RAD51B: variants seen among roughly 807,000 people sequenced by gnomAD.
The protein encoded by RAD51B is RAD51 paralog B.
In RAD51B, 38 loss-of-function variants were observed where a neutral mutation model predicts 42.2. The observed-to-expected ratio is 0.90, with a 90% confidence interval of 0.70 to 1.18. The LOEUF is 1.18. Among genes scored for constraint, RAD51B ranks in the 50% most tolerant of loss-of-function variants. The probability of loss-of-function intolerance (pLI) is 0.00; values close to 1 mark genes in which losing one functional copy is unlikely to be tolerated. For synonymous variants in RAD51B, 154 were observed against 145.2 expected (o/e 1.06, Z -0.43); for missense variants, 373 against 400.7 (o/e 0.93, Z 0.59).
intron 7 of RAD51B, among the ~76,000 whole-genome samples, chr14:68,248,213 C>G (rs1426037245): frequency 6.6e-6 from 1 of 152,202 alleles, no homozygotes; most frequent in African/African-American, 2.4e-5. Flanking sequence ...CTCTCTTCTT[C>G]AGGACAGAAA....
At chr14:68,673,675 AC>A (rs1263572364) in intron 11 of RAD51B, among the ~76,000 whole-genome samples, 1 of 150,150 alleles carries the variant, frequency 6.7e-6, no homozygotes, top group Non-Finnish European at 1.5e-5. Context: ...CTGTGCACAC[AC>A]ATATGTATAT....
intron 11 of RAD51B, among the ~76,000 whole-genome samples, chr14:68,674,399 G>A (rs1291908516): frequency 2.6e-5 from 4 of 151,918 alleles, no homozygotes; most frequent in Non-Finnish European, 5.9e-5. Context: ...GTAGTCACCT[G>A]TATTCTAATG....
At chr14:68,207,885 A>C (rs1290971768) in intron 7 of RAD51B, among the ~76,000 whole-genome samples, 1 of 152,164 alleles carries the variant, frequency 6.6e-6, no homozygotes, top group Non-Finnish European at 1.5e-5. Context: ...ATAACAAGTC[A>C]GCTCACGTTA....
chr14:68,209,653 T>C (rs2140941886), intron 7 of RAD51B, among the ~76,000 whole-genome samples: 1 of 152,330 alleles, frequency 6.6e-6, no homozygotes, highest in South Asian at 2.1e-4. Context: ...GGAAGATGAT[T>C]GTAAGATATT....
Position 67,823,562 on chromosome 14 carries a change from A to C in RAD51B, c.19A>C (p.Lys7Gln). 4 of 1,613,848 alleles carry C rather than the reference A, an allele frequency of 2.5e-6. No individual in the cohort carries two copies. Among genetic ancestry groups the C allele is most frequent in the Non-Finnish European group, 3.4e-6 (4 of 1,179,870 alleles). Residue 7 changes from lysine (K) to glutamine (Q), a missense_variant, in exon 2 of 11, where the codon AAA becomes CAA. Coordinates refer to ENST00000471583, the MANE Select transcript of RAD51B (RefSeq NM_133510.4). MGSKKLKRVGLSQELCD... is the reference protein window; with the variant it reads MGSKKLQRVGLSQELCD... Reference sequence around the variant, plus strand: ...TGGAGGCATGGGTAGCAAGAAACTAAAACGAGTGGGTTTATCACAAGAGCT... The same window carrying C: ...TGGAGGCATGGGTAGCAAGAAACTACAACGAGTGGGTTTATCACAAGAGCT...
intron 11 of RAD51B, among the ~76,000 whole-genome samples, chr14:68,672,382 T>G (rs1433413484): frequency 2.0e-5 from 3 of 152,234 alleles, no homozygotes; most frequent in African/African-American, 7.2e-5. Context: ...CATCAGAGAA[T>G]TTCAAAATTC....
chr14:68,622,645 A>C (rs1891974658), intron 10 of RAD51B, among the ~76,000 whole-genome samples: 1 of 151,680 alleles, frequency 6.6e-6, no homozygotes, highest in African/African-American at 2.4e-5. Flanking sequence ...ATGGGCAATG[A>C]ACAAATATCT....
intron 8 of RAD51B, among the ~76,000 whole-genome samples, chr14:68,360,724 T>C (rs2083007424): frequency 6.6e-6 from 1 of 152,218 alleles, no homozygotes; most frequent in Admixed American, 6.5e-5. Context: ...GATAAAAGCA[T>C]AACAAATGTA....
At chr14:68,238,642 G>T (rs1409819727) in intron 7 of RAD51B, among the ~76,000 whole-genome samples, 3 of 152,160 alleles carry the variant, frequency 2.0e-5, no homozygotes, top group Non-Finnish European at 2.9e-5. Context: ...TTATTGATAG[G>T]TTATGCTAAC....
chr14:68,475,181 A>G (rs1261372975), intron 10 of RAD51B, among the ~76,000 whole-genome samples: 1 of 152,178 alleles, frequency 6.6e-6, no homozygotes, highest in Non-Finnish European at 1.5e-5. Context: ...CTGTAAATAT[A>G]TGATCAGAAA....
chr14:67,982,590 G>C (rs2075115623), intron 7 of RAD51B, among the ~76,000 whole-genome samples: 1 of 152,066 alleles, frequency 6.6e-6, no homozygotes, highest in African/African-American at 2.4e-5. Context: ...TGGAAGTTCT[G>C]TATCAGCTAC....
chr14:68,611,681 A>T (rs1184786593), downstream of RAD51B: 1 of 249,534 alleles, frequency 4.0e-6, no homozygotes, highest in Admixed American at 4.9e-5. Flanking sequence ...AGGCAGTCTC[A>T]AATGGGAATT....
chr14:68,304,852 G>C (rs1032628625), intron 8 of RAD51B, among the ~76,000 whole-genome samples: 2 of 152,108 alleles, frequency 1.3e-5, no homozygotes, highest in East Asian at 1.9e-4. Flanking sequence ...CCTCAGACAG[G>C]CTTCTCTGTT....
chr14:68,232,551 C>T (rs550482404), intron 7 of RAD51B, among the ~76,000 whole-genome samples: 10 of 152,250 alleles, frequency 6.6e-5, no homozygotes, highest in African/African-American at 2.4e-4. Context: ...GAATGATATC[C>T]ATTGGGAGGA....
intron 9 of RAD51B, among the ~76,000 whole-genome samples, chr14:68,457,892 C>T (rs572963347): frequency 8.9e-5 from 13 of 145,914 alleles, no homozygotes; most frequent in South Asian, 8.6e-4. Flanking sequence ...GGATTACAGG[C>T]GTGAGCCACT....
intron 10 of RAD51B, among the ~76,000 whole-genome samples, chr14:68,605,017 C>T (rs1039941313): frequency 5.9e-5 from 9 of 152,326 alleles, no homozygotes; most frequent in East Asian, 1.9e-4. Flanking sequence ...AGACGCCCAC[C>T]GGTGTGGCCC....
intron 7 of RAD51B, among the ~76,000 whole-genome samples, chr14:68,105,581 A>T (rs1441110777): frequency 6.6e-6 from 1 of 151,942 alleles, no homozygotes; most frequent in Non-Finnish European, 1.5e-5. Flanking sequence ...TAAAGATTTT[A>T]AAAATAGATT....
At chr14:67,859,736 T>C (rs918342192) in intron 4 of RAD51B, among the ~76,000 whole-genome samples, 1 of 152,074 alleles carries the variant, frequency 6.6e-6, no homozygotes, top group African/African-American at 2.4e-5. Context: ...AAAGACCAAA[T>C]ACAGTACATT....
At chr14:67,928,564 G>A (rs1270845786) in intron 7 of RAD51B, among the ~76,000 whole-genome samples, 1 of 151,884 alleles carries the variant, frequency 6.6e-6, no homozygotes, top group Non-Finnish European at 1.5e-5. Flanking sequence ...GAAAATGCGG[G>A]TCACCATGAT....
Sources: allele counts gnomAD v4.1 joint callset (sites outside exome capture counted in the v4.1 genomes callset), GRCh38; gene constraint gnomAD v4.1.1; transcripts MANE v1.5; gene names NCBI Gene and HGNC (gene_info 2026-07-23, HGNC 2026-07-21).